The following TMEM255B variants were observed in gnomAD, a reference collection of about 807,000 sequenced individuals.
The protein encoded by TMEM255B is family with sequence similarity 70, member B.
A neutral mutation model predicts 34.5 loss-of-function variants in TMEM255B; 35 were observed. The ratio of observed to expected loss-of-function variants is 1.01; its 90% CI spans 0.77 to 1.34. TMEM255B has a LOEUF of 1.34. Ranked by LOEUF, TMEM255B falls within the 40% of genes most tolerant of loss-of-function variation. The pLI, the probability that TMEM255B is intolerant of heterozygous loss-of-function variation, is 0.00. For synonymous variants in TMEM255B, 206 were observed against 201.2 expected (o/e 1.02, Z -0.20); for missense variants, 432 against 433.2 (o/e 1.00, Z 0.02).
intron 3 of TMEM255B, among the ~76,000 whole-genome samples, chr13:113,773,014 A>T (rs972078352): frequency 6.6e-6 from 1 of 152,150 alleles, no homozygotes; most frequent in Admixed American, 6.5e-5. Flanking sequence ...AATATTAAGT[A>T]TCCCAATCCA....
At chr13:113,797,714 C>T (rs570767093) in intron 4 of TMEM255B, among the ~76,000 whole-genome samples, 2 of 152,376 alleles carry the variant, frequency 1.3e-5, no homozygotes, top group African/African-American at 4.8e-5. Context: ...TTCTCATTCT[C>T]ATCTGTTGCA....
chr13:113,804,942 C>G lies in TMEM255B; in HGVS notation c.727C>G (p.Pro243Ala). 3.1e-6 allele frequency: 5 copies of G among 1,606,218 alleles called. No homozygotes were observed. Among genetic ancestry groups the G allele is most frequent in the Non-Finnish European group, 4.2e-6 (5 of 1,179,800 alleles). Residue 243 changes from proline (P) to alanine (A), a missense_variant, in exon 8 of 9, where the codon CCC (proline) becomes GCC (alanine). Transcript: ENST00000375353. Reference sequence around the variant, plus strand: ...CGTCCCACCACAGACCCTCTACAACCCCGCCCAGCAGATCCTGGCCTACGC... The same window carrying G: ...CGTCCCACCACAGACCCTCTACAACGCCGCCCAGCAGATCCTGGCCTACGC... ...PAVPPQTLYN[P>A]AQQILAYAGF...
chr13:113,769,057 C>A lies in TMEM255B; in HGVS notation c.190-41C>A, dbSNP rs181371772. The A allele has an allele frequency of 6.2e-7, 1 of 1,607,840 alleles. No individual in the cohort carries two copies. ...AATGTCAGTGTTAAGCTTCTAGGCA[C>A]GTTAATGAGTGTTTCTCTCTCGTTC... On this transcript the variant is annotated intron_variant, in intron 2 of 8. Coordinates refer to ENST00000375353, the MANE Select transcript of TMEM255B (RefSeq NM_182614.4). This position sits in a 1 kb window ranked among gnomAD's most constrained non-coding sequence, Gnocchi z 4.2.
intron 3 of TMEM255B, among the ~76,000 whole-genome samples, chr13:113,793,552 A>G (rs1028626442): frequency 6.6e-6 from 1 of 152,248 alleles, no homozygotes; most frequent in African/African-American, 2.4e-5. Context: ...GACCCACCCA[A>G]GGACGCACTG....
intron 3 of TMEM255B, among the ~76,000 whole-genome samples, chr13:113,773,305 T>A (rs1208986272): frequency 6.6e-6 from 1 of 152,282 alleles, no homozygotes; most frequent in Non-Finnish European, 1.5e-5. Context: ...CCTGTGGAAC[T>A]CATTTCTTTG....
rs1594132383 is a variant in TMEM255B at position 113,780,239 on chromosome 13, A to G, written c.252+11079A>G. Among the ~76,000 whole-genome samples, 4 of 152,252 alleles carry G rather than the reference A, an allele frequency of 2.6e-5. No individual in the cohort carries two copies. In the South Asian group the frequency reaches 8.3e-4, roughly 32 times the overall value. On this transcript the variant is annotated intron_variant, in intron 3 of 8. Transcript: ENST00000375353. ...AGTTTCCAAGGCCTTTCTTGGCTTCATAAGTCAAGTTTGATTCCTTAAAGG... is the reference window on the plus strand; with the variant it reads ...AGTTTCCAAGGCCTTTCTTGGCTTCGTAAGTCAAGTTTGATTCCTTAAAGG...
In TMEM255B at chr13:113,812,950, G is replaced by C. The variant is rs1387355896; in HGVS notation, c.*1047G>C. 6.7e-6 allele frequency: 1 copy of C among 150,124 alleles called. No homozygotes were observed. Among genetic ancestry groups the C allele is most frequent in the African/African-American group, 2.5e-5 (1 of 39,628 alleles). The allele number at this position is 150,124 out of a possible 1,614,324, so 9.3% of individuals were successfully genotyped here. Reference sequence around the variant, plus strand: ...GGGTCCCGGGTGGGTCACGGGTCCCGGGTGGGTCACGGGCCCCGGGTGGGT... The same window carrying C: ...GGGTCCCGGGTGGGTCACGGGTCCCCGGTGGGTCACGGGCCCCGGGTGGGT... On this transcript the variant is annotated 3_prime_UTR_variant, in exon 9 of 9. Transcript: ENST00000375353.
At chr13:113,762,701 C>T (rs2050328274) in intron 1 of TMEM255B, among the ~76,000 whole-genome samples, 1 of 152,170 alleles carries the variant, frequency 6.6e-6, no homozygotes, top group South Asian at 2.1e-4. Flanking sequence ...ACTCTTCATG[C>T]CAAGGAACCG....
At chr13:113,760,167 G>C (rs2050278301) in intron 1 of TMEM255B, among the ~76,000 whole-genome samples, 1 of 152,182 alleles carries the variant, frequency 6.6e-6, no homozygotes, top group South Asian at 2.1e-4. Flanking sequence ...ACAAACTTCT[G>C]GGGATTAACC....
rs570799319 is a variant in TMEM255B, at chr13:113,806,309, G to A, written c.813+1281G>A. Among the ~76,000 whole-genome samples the A allele has an allele frequency of 6.6e-6, 1 of 152,204 alleles. No homozygotes were observed. Among genetic ancestry groups the A allele is most frequent in the Admixed American group, 6.5e-5 (1 of 15,300 alleles). ...GGGGGTCCCTGGGGTCCAGGGGCCT[G>A]TGGGGCTGCTGGGGGTCCCTCGCGT... On this transcript the variant is annotated intron_variant, in intron 8 of 8. Coordinates refer to ENST00000375353, the MANE Select transcript of TMEM255B (RefSeq NM_182614.4). The surrounding 1 kb of genome is among the most constrained non-coding windows in gnomAD (Gnocchi z 4.2).
intron 6 of TMEM255B, 118 bp from the exon 7 acceptor site, chr13:113,801,535 G>C: frequency 8.2e-7 from 1 of 1,214,910 alleles, no homozygotes; most frequent in South Asian, 1.6e-5. Flanking sequence ...GCGTTGACTG[G>C]GCTCCAGCCC....
Position 113,804,870 on chromosome 13 carries a change from T to C in TMEM255B, c.670-15T>C, listed in dbSNP as rs1310783984. On this transcript the variant is annotated splice_polypyrimidine_tract_variant and intron_variant, in intron 7 of 8. Transcript: ENST00000375353. ...AGGGGGTACACGCCGACCACCCGTC[T>C]CCTCTCCATGGCAGGTGCCTCTGTC... is the stretch of plus-strand genomic sequence containing the variant. The C allele has an allele frequency of 3.8e-6, 6 of 1,591,666 alleles. No homozygotes were observed. The African/African-American group carries it at 6.7e-5, about 18-fold the overall frequency.
chr13:113,794,963 T>C (rs2050894237), intron 3 of TMEM255B, among the ~76,000 whole-genome samples, 185 bp from the exon 4 acceptor site: 1 of 152,170 alleles, frequency 6.6e-6, no homozygotes, highest in Non-Finnish European at 1.5e-5. Flanking sequence ...AATAGACGCG[T>C]GAGGACGACC....
intron 1 of TMEM255B, chr13:113,761,140 A>G (rs2050301995): frequency 1.0e-6 from 1 of 978,930 alleles, no homozygotes. Context: ...CTTGGACACC[A>G]TGACTGGTGT....
In TMEM255B at chr13:113,806,240, C is replaced by T. The variant is rs1185636943; in HGVS notation, c.813+1212C>T. Among the ~76,000 whole-genome samples, 1 of 152,010 alleles carries T rather than the reference C, an allele frequency of 6.6e-6. No individual in the cohort carries two copies. The highest frequency in any genetic ancestry group is 1.5e-5 in the Non-Finnish European group (1 of 67,978). ...CACCTGGGGACCTGCACCAGGGACC[C>T]CGAGGAGGGAGCAGGAACCAGCACT... On this transcript the variant is annotated intron_variant, in intron 8 of 8. Coordinates refer to ENST00000375353, the MANE Select transcript of TMEM255B (RefSeq NM_182614.4). The surrounding 1 kb of genome is among the most constrained non-coding windows in gnomAD (Gnocchi z 4.2).
At chr13:113,763,425 C>T (rs55972198) in intron 1 of TMEM255B, among the ~76,000 whole-genome samples, 22,540 of 152,106 alleles carry the variant, frequency 0.15, 1,813 homozygotes, top group Middle Eastern at 0.22. Flanking sequence ...GTGGGTTTGC[C>T]GTTTCTCACC....
chr13:113,763,375 C>T (rs767542804), intron 1 of TMEM255B, among the ~76,000 whole-genome samples: 8 of 152,154 alleles, frequency 5.3e-5, no homozygotes, highest in South Asian at 2.1e-4. Context: ...GTTTCACCCA[C>T]GGGAGGTGCC....
In TMEM255B at chr13:113,815,074, C is replaced by CCCCTTAT; in HGVS notation, c.*3171_*3172insCCCTTAT. 6.6e-6 allele frequency: 1 copy of CCCCTTAT among 152,112 alleles called. No individual in the cohort carries two copies. Among genetic ancestry groups the CCCCTTAT allele is most frequent in the East Asian group, 1.9e-4 (1 of 5,162 alleles). The allele number at this position is 152,112 out of a possible 1,614,324, so 9.4% of individuals were successfully genotyped here. On this transcript the variant is annotated 3_prime_UTR_variant, in exon 9 of 9. Transcript: ENST00000375353. The stretch of plus-strand genomic sequence containing the variant: ...TGCCCTGGGCAGGGGTCCGTTGAGA[C>CCCCTTAT]TGGCCCCACCTTATTAGCTTGGGAC...
At chr13:113,765,119 G>A (rs2050367875) in intron 1 of TMEM255B, among the ~76,000 whole-genome samples, 1 of 152,198 alleles carries the variant, frequency 6.6e-6, no homozygotes, top group Non-Finnish European at 1.5e-5. Context: ...ATCTTTGCAA[G>A]GGTCAAGAGG....
Sources: gnomAD v4.1 joint callset for allele counts (sites outside exome capture counted in the v4.1 genomes callset) on GRCh38, gnomAD v4.1.1 for gene constraint, Gnocchi (gnomAD v3.1) non-coding constraint, MANE v1.5 for transcripts, NCBI Gene and HGNC (gene_info 2026-07-23, HGNC 2026-07-21) for gene names.